Variants in SENP7 observed in about 807,000 individuals in gnomAD.
SENP7 encodes the protein SUMO specific peptidase 7, also known as sentrin-specific protease 7.
In SENP7, 64 loss-of-function variants were observed where a neutral mutation model predicts 141.2. That is an observed-to-expected ratio of 0.45 (90% CI 0.37 to 0.56). SENP7 has a LOEUF of 0.56. SENP7 is among the 20% of genes least tolerant of loss of function. The probability of loss-of-function intolerance (pLI) is 0.00; values close to 1 mark genes in which losing one functional copy is unlikely to be tolerated. For missense variants in SENP7, 1,025 were observed against 1,212.2 expected, an observed-to-expected ratio of 0.85 and a Z score of 2.29; for synonymous variants, 382 against 426.4, an observed-to-expected ratio of 0.90 and a Z score of 1.28.
intron 4 of SENP7, among the ~76,000 whole-genome samples, chr3:101,423,135 C>T (rs1247961334): frequency 2.0e-5 from 3 of 151,908 alleles, no homozygotes; most frequent in Non-Finnish European, 2.9e-5. Context: ...GGACACTTCA[C>T]CAAAAAAATG....
intron 6 of SENP7, among the ~76,000 whole-genome samples, chr3:101,391,592 A>G (rs2060817699): frequency 6.6e-6 from 1 of 152,198 alleles, no homozygotes; most frequent in African/African-American, 2.4e-5. Context: ...CAAAGCAGTA[A>G]TAAAAGGTCT....
chr3:101,466,731 T>C (rs2063769684), intron 3 of SENP7, among the ~76,000 whole-genome samples: 1 of 152,112 alleles, frequency 6.6e-6, no homozygotes, highest in African/African-American at 2.4e-5. Context: ...GATGGCTAAA[T>C]AGGAACAGCT....
intron 11 of SENP7, chr3:101,357,234 C>T (rs2059768874): frequency 2.7e-6 from 1 of 376,302 alleles, no homozygotes; most frequent in Non-Finnish European, 5.1e-6. Flanking sequence ...CTCCTGACCT[C>T]AGGTGATCCA....
At chr3:101,491,671 C>T (rs1431480684) in intron 3 of SENP7, among the ~76,000 whole-genome samples, 4 of 152,182 alleles carry the variant, frequency 2.6e-5, no homozygotes, top group Non-Finnish European at 4.4e-5. Flanking sequence ...TTTTTATGTA[C>T]TCTTTGTATC....
At chr3:101,373,415 G>A (rs950788287) in intron 6 of SENP7, among the ~76,000 whole-genome samples, 5 of 152,036 alleles carry the variant, frequency 3.3e-5, no homozygotes, top group African/African-American at 1.2e-4. Context: ...TGTCCTCCCT[G>A]AAAGAATTAT....
chr3:101,486,030 A>G (rs2064713004), intron 3 of SENP7, among the ~76,000 whole-genome samples: 1 of 152,230 alleles, frequency 6.6e-6, no homozygotes. Flanking sequence ...GAACTCGAAG[A>G]CAAGGTCTTT....
intron 5 of SENP7, among the ~76,000 whole-genome samples, chr3:101,401,315 G>T (rs1252865928): frequency 6.6e-6 from 1 of 151,836 alleles, no homozygotes; most frequent in African/African-American, 2.4e-5. Context: ...GATCACTTGA[G>T]GTCAGGAATT....
intron 11 of SENP7, chr3:101,359,389 T>A (rs2059831147): frequency 6.7e-6 from 1 of 149,372 alleles, no homozygotes; most frequent in South Asian, 2.1e-4. Flanking sequence ...ATATAATATA[T>A]ATAAATATAT....
chr3:101,463,386 TATATATATATAC>T (rs1160791779), intron 3 of SENP7, among the ~76,000 whole-genome samples: 4 of 92,314 alleles, frequency 4.3e-5, no homozygotes, highest in African/African-American at 2.0e-4. Context: ...TATATATATA[TATATATATATAC>T]ATATATATAT....
intron 14 of SENP7, among the ~76,000 whole-genome samples, chr3:101,342,986 G>A (rs1467642764): frequency 6.6e-6 from 1 of 152,016 alleles, no homozygotes; most frequent in East Asian, 1.9e-4. Flanking sequence ...CTTCTAAAGA[G>A]TACTGGTCAA....
In SENP7 at chr3:101,398,902, A is replaced by G. The variant is rs1433820545; in HGVS notation, c.636T>C (p.Tyr212=). 1.2e-6 allele frequency: 2 copies of G among 1,610,886 alleles called. No homozygotes were observed. The highest frequency in any genetic ancestry group is 1.1e-5 in the South Asian group (1 of 90,412). ...AGCTCTTGTGAGGGTTTAGATTTTGATAAGATTCTAGGCTGCCATCAGATG... is the reference window on the plus strand; with the variant it reads ...AGCTCTTGTGAGGGTTTAGATTTTGGTAAGATTCTAGGCTGCCATCAGATG... ...SSSSDGSLES[Y]QNLNPHKSCY... The change falls in exon 6 of 24, where the codon TAT becomes TAC. Residue 212 remains tyrosine (Y), a synonymous_variant. Coordinates refer to ENST00000394095, the MANE Select transcript of SENP7 (RefSeq NM_020654.5).
At chr3:101,512,993 C>T (rs2065925874) in intron 1 of SENP7, 98 bp downstream of exon 1, 28 of 1,380,910 alleles carry the variant, frequency 2.0e-5, no homozygotes, top group Non-Finnish European at 2.8e-5. Context: ...CCGCCCTCGC[C>T]CCCGCGGCTT....
chr3:101,380,926 A>G (rs1248890591), intron 6 of SENP7, among the ~76,000 whole-genome samples: 1 of 152,174 alleles, frequency 6.6e-6, no homozygotes, highest in African/African-American at 2.4e-5. Context: ...CAATAAATAC[A>G]TAAGTAAAAC....
intron 10 of SENP7, among the ~76,000 whole-genome samples, chr3:101,362,354 T>C (rs2059924358): frequency 6.6e-6 from 1 of 152,216 alleles, no homozygotes; most frequent in Non-Finnish European, 1.5e-5. Flanking sequence ...ATCATGCGAT[T>C]AGTAAGAAGC....
At chr3:101,481,464 T>G (rs953726974) in intron 3 of SENP7, among the ~76,000 whole-genome samples, 4 of 152,094 alleles carry the variant, frequency 2.6e-5, no homozygotes, top group African/African-American at 9.7e-5. Context: ...AGGGTAGAAT[T>G]ATAGATACTA....
chr3:101,430,300 G>GT (rs1400428933), intron 4 of SENP7, among the ~76,000 whole-genome samples: 1 of 152,140 alleles, frequency 6.6e-6, no homozygotes. Context: ...GAATTCAGCT[G>GT]TGAATCCATC....
chr3:101,484,931 C>A (rs1268077686), intron 3 of SENP7, among the ~76,000 whole-genome samples: 2 of 152,084 alleles, frequency 1.3e-5, no homozygotes, highest in Non-Finnish European at 2.9e-5. Context: ...CACAGTGGGA[C>A]AGAGACCGGC....
At chr3:101,399,782 C>G (rs536676617) in intron 5 of SENP7, among the ~76,000 whole-genome samples, 1 of 152,168 alleles carries the variant, frequency 6.6e-6, no homozygotes, top group African/African-American at 2.4e-5. Flanking sequence ...CAAGCCACCA[C>G]GCCCAGGTAA....
At chr3:101,453,738 A>G (rs1211992989) in intron 4 of SENP7, among the ~76,000 whole-genome samples, 2 of 152,076 alleles carry the variant, frequency 1.3e-5, no homozygotes, top group South Asian at 2.1e-4. Context: ...AGGGGGGAGG[A>G]ATAGCATTAG....
Sources: allele counts gnomAD v4.1 joint callset (sites outside exome capture counted in the v4.1 genomes callset), GRCh38; gene constraint gnomAD v4.1.1; transcripts MANE v1.5; gene names NCBI Gene and HGNC (gene_info 2026-07-23, HGNC 2026-07-21).